FAT3: variants seen among roughly 807,000 people sequenced by gnomAD.
The protein encoded by FAT3 is protocadherin Fat 3.
Under a neutral mutation model 310.2 loss-of-function variants are expected in FAT3, and 95 were observed. The observed-to-expected ratio is 0.31, with a 90% confidence interval of 0.26 to 0.36. The LOEUF (loss-of-function observed/expected upper bound fraction) is 0.36, where lower values mean the gene tolerates loss of function less well. Ranked by LOEUF, FAT3 falls within the 10% of genes least tolerant of loss-of-function variation. The pLI is 1.00. For synonymous variants in FAT3, 2,314 were observed against 2,192.9 expected (o/e 1.06, Z -1.54); for missense variants, 5,408 against 5,715.6 (o/e 0.95, Z 1.74).
chr11:92,263,982 A>T lies in FAT3; in HGVS notation c.-18+38808A>T, dbSNP rs983443400. On this transcript the variant is annotated intron_variant, in intron 1 of 27. Transcript: ENST00000525166. ...AAGTGCTATAAAGTAGATAATCATT[A>T]TGCCCATTTTACAGATTGAGAAATT... 2.0e-5 allele frequency among the ~76,000 whole-genome samples: 3 copies of T among 152,116 alleles called. No homozygotes were observed. In the South Asian group the frequency reaches 6.2e-4, roughly 31 times the overall value.
At chr11:92,349,006 G>A (rs1179925326) in intron 1 of FAT3, among the ~76,000 whole-genome samples, 1 of 152,222 alleles carries the variant, frequency 6.6e-6, no homozygotes, top group African/African-American at 2.4e-5. Context: ...GTTTCCTTAA[G>A]TAGAAGTTCA....
At chr11:92,392,729 C>T (rs961984884) in intron 2 of FAT3, among the ~76,000 whole-genome samples, 20 of 152,262 alleles carry the variant, frequency 1.3e-4, no homozygotes, top group Admixed American at 1.2e-3. Flanking sequence ...ACTGTCATTG[C>T]TCAATAAAGG....
chr11:92,825,142 G>A (rs938101778), intron 13 of FAT3, among the ~76,000 whole-genome samples: 2 of 152,142 alleles, frequency 1.3e-5, no homozygotes, highest in Non-Finnish European at 2.9e-5. Flanking sequence ...AATTCTTTCA[G>A]CACATGCATT....
rs1487153529 is a variant in FAT3 at position 92,800,309 on chromosome 11, C to T, written c.7296C>T (p.Ser2432=). The T allele has an allele frequency of 1.9e-6, 3 of 1,613,894 alleles. No individual in the cohort carries two copies. In the East Asian group the frequency reaches 6.7e-5, roughly 36 times the overall value. The stretch of plus-strand genomic sequence containing the variant: ...CTGATTTTGACCGGTTGGAATATAG[C>T]ATTTTATCTGGGAATGACCGGACGA... ...DSSDFDRLEY[S]ILSGNDRTSF... The change falls in exon 10 of 28, where the codon AGC becomes AGT. Residue 2432 remains serine (S), a synonymous_variant. Coordinates refer to ENST00000525166, the MANE Select transcript of FAT3 (RefSeq NM_001367949.2).
intron 3 of FAT3, among the ~76,000 whole-genome samples, chr11:92,608,718 A>G (rs1307277068): frequency 6.9e-6 from 1 of 144,936 alleles, no homozygotes; most frequent in Admixed American, 6.8e-5. Flanking sequence ...TCCTGAATTC[A>G]GCAATAATAA....
At chr11:92,544,556 A>G (rs1170505088) in intron 3 of FAT3, among the ~76,000 whole-genome samples, 2 of 152,298 alleles carry the variant, frequency 1.3e-5, no homozygotes, top group East Asian at 1.9e-4. Context: ...ATAACTGCCA[A>G]TCAAATGTGC....
intron 1 of FAT3, among the ~76,000 whole-genome samples, chr11:92,292,981 G>A (rs1946728807): frequency 6.7e-6 from 1 of 148,636 alleles, no homozygotes; most frequent in South Asian, 2.1e-4. Flanking sequence ...CTTGTGAATA[G>A]CCACAGCCTG....
intron 1 of FAT3, chr11:92,314,156 C>A (rs2134465497): frequency 3.8e-6 from 1 of 265,212 alleles, no homozygotes; most frequent in Non-Finnish European, 5.8e-6. Context: ...GTGTGACATT[C>A]TCAAAAGTGA....
intron 4 of FAT3, among the ~76,000 whole-genome samples, chr11:92,706,055 T>C (rs990016234): frequency 1.1e-4 from 16 of 150,852 alleles, no homozygotes; most frequent in African/African-American, 3.9e-4. Context: ...ATGATGGAGA[T>C]GAGGGTGGTA....
intron 1 of FAT3, among the ~76,000 whole-genome samples, chr11:92,250,692 A>T (rs1865101841): frequency 6.6e-6 from 1 of 152,132 alleles, no homozygotes; most frequent in Non-Finnish European, 1.5e-5. Flanking sequence ...AAACTCTTAC[A>T]TGTGAGAAGT....
At chr11:92,255,582 C>T (rs1269217077) in intron 1 of FAT3, among the ~76,000 whole-genome samples, 1 of 152,068 alleles carries the variant, frequency 6.6e-6, no homozygotes, top group Non-Finnish European at 1.5e-5. Context: ...ATTAAGGAGG[C>T]ATTCTAATAG....
Position 92,801,818 on chromosome 11 carries a change from G to C in FAT3, c.8805G>C (p.Glu2935Asp). 1.2e-6 allele frequency: 2 copies of C among 1,613,934 alleles called. No homozygotes were observed. The highest frequency in any genetic ancestry group is 1.7e-6 in the Non-Finnish European group (2 of 1,179,864). Residue 2935 changes from glutamate (E) to aspartate (D), a missense_variant, in exon 10 of 28, where the codon GAG becomes GAC. Glu to Asp is a conservative substitution (Grantham distance 45). This residue lies in a region of FAT3 where 4,588 missense variants were observed against 4,809.8 expected (regional missense o/e 0.95). Coordinates refer to ENST00000525166, the MANE Select transcript of FAT3 (RefSeq NM_001367949.2). ...AAGTGTACCGAGGGAATGTGAAGGA[G>C]AGCGACCCACCGGGCGAGGTGGTAG... Reference protein sequence around the residue: ...AQEVYRGNVKESDPPGEVVAV... With the variant: ...AQEVYRGNVKDSDPPGEVVAV...
At position 92,224,980 on chromosome 11, in the gene FAT3, C is replaced by CCGG. The variant is rs750252211; in HGVS notation, c.-194_-192dup. On this transcript the variant is annotated 5_prime_UTR_variant, in exon 1 of 28. Coordinates refer to ENST00000525166, the MANE Select transcript of FAT3 (RefSeq NM_001367949.2). ...GCTCCCCTCCTCCGCTTGCGAACCC[C>CCGG]CGGCGGCGGCGGCGGCGGCGTCCCG... Among the ~76,000 whole-genome samples, 148 of 152,162 alleles carry CCGG rather than the reference C, an allele frequency of 9.7e-4. No individual in the cohort carries two copies. Among genetic ancestry groups the CCGG allele is most frequent in the Middle Eastern group, 3.4e-3 (1 of 290 alleles).
rs761074125 is a variant in FAT3 at position 92,844,049 on chromosome 11, T to G, written c.10682T>G (p.Met3561Arg). 6.2e-7 allele frequency: 1 copy of G among 1,613,962 alleles called. No individual in the cohort carries two copies. The highest frequency in any genetic ancestry group is 8.5e-7 in the Non-Finnish European group (1 of 1,179,886). ...AIPLEIFIVT[M>R]EDDFPGGVIG... The stretch of plus-strand genomic sequence containing the variant: ...CCCCTGGAAATTTTCATTGTCACCA[T>G]GGAGGATGACTTTCCTGGTGGGGTC... Residue 3561 changes from methionine (M) to arginine (R), a missense_variant, in exon 19 of 28, where the codon ATG becomes AGG. Physicochemically the swap from Met to Arg is moderately conservative, Grantham distance 91. Coordinates refer to ENST00000525166, the MANE Select transcript of FAT3 (RefSeq NM_001367949.2).
chr11:92,233,753 T>G (rs562838432), intron 1 of FAT3, among the ~76,000 whole-genome samples: 11 of 152,326 alleles, frequency 7.2e-5, no homozygotes, highest in African/African-American at 2.6e-4. Flanking sequence ...AGACAAAACA[T>G]ATTATATTGC....
At chr11:92,306,926 G>T (rs1947156910) in intron 1 of FAT3, among the ~76,000 whole-genome samples, 1 of 149,442 alleles carries the variant, frequency 6.7e-6, no homozygotes, top group South Asian at 2.1e-4. Flanking sequence ...GAGTAGCTGG[G>T]ACTACAGACC....
intron 21 of FAT3, among the ~76,000 whole-genome samples, chr11:92,861,751 C>A (rs1482346314): frequency 6.6e-6 from 1 of 152,222 alleles, no homozygotes; most frequent in Admixed American, 6.5e-5. Context: ...ACATTTTCAG[C>A]CTCATGCAAG....
At position 92,801,885 on chromosome 11, in the gene FAT3, C is replaced by T. The variant is rs759854881; in HGVS notation, c.8872C>T (p.Arg2958Cys). The change falls in exon 10 of 28, where the codon CGC becomes TGC. Residue 2958 changes from arginine to cysteine, a missense_variant. Physicochemically the swap from Arg to Cys is radical, Grantham distance 180 (BLOSUM62 -3). This residue lies in a region of FAT3 where 4,588 missense variants were observed against 4,809.8 expected (regional missense o/e 0.95). Coordinates refer to ENST00000525166, the MANE Select transcript of FAT3 (RefSeq NM_001367949.2). ...GGACAGAGACACATCCGACGTTAAT[C>T]GCCAAGTGAGCTACCATATTACAGG... ...TWDRDTSDVN[R>C]QVSYHITGGN... The T allele has an allele frequency of 1.5e-5, 24 of 1,613,630 alleles. No homozygotes were observed. Among genetic ancestry groups the T allele is most frequent in the African/African-American group, 8.0e-5 (6 of 74,912 alleles).
chr11:92,607,463 C>G (rs1209189529), intron 3 of FAT3, among the ~76,000 whole-genome samples: 1 of 152,056 alleles, frequency 6.6e-6, no homozygotes, highest in Non-Finnish European at 1.5e-5. Context: ...TGGTTAATAA[C>G]AGAAAATTTT....
Sources: allele counts gnomAD v4.1 joint callset (sites outside exome capture counted in the v4.1 genomes callset), GRCh38; gene constraint gnomAD v4.1.1; regional missense constraint gnomAD v4.1.1; transcripts MANE v1.5; gene names NCBI Gene and HGNC (gene_info 2026-07-23, HGNC 2026-07-21).